SH3GL3: variants seen among roughly 807,000 people sequenced by gnomAD.
The protein encoded by SH3GL3 is endophilin-A3.
A neutral mutation model predicts 47.7 loss-of-function variants in SH3GL3; 33 were observed. The ratio of observed to expected loss-of-function variants is 0.69; its 90% confidence interval spans 0.52 to 0.92. The LOEUF is 0.92. Among genes scored for constraint, SH3GL3 ranks in the 40% least tolerant of loss-of-function variants. SH3GL3 has a pLI of 0.00. For missense variants in SH3GL3, 363 were observed against 417.8 expected, an observed-to-expected ratio of 0.87 and a Z score of 1.14; for synonymous variants, 155 against 148.8, an observed-to-expected ratio of 1.04 and a Z score of -0.30.
At chr15:83,460,048 CCCTCCCTGCCTCCCTCCCTCCCTTCCTT>C (rs1381266145) in intron 1 of SH3GL3, among the ~76,000 whole-genome samples, 1 of 50,748 alleles carries the variant, frequency 2.0e-5, no homozygotes, top group Non-Finnish European at 3.4e-5. Context: ...CTCCCTCCCT[CCCTCCCTGCCTCCCTCCCTCCCTTCCTT>C]CCTTCCTTCC....
At chr15:83,500,818 TA>T (rs756310003) in intron 1 of SH3GL3, among the ~76,000 whole-genome samples, 2 of 152,234 alleles carry the variant, frequency 1.3e-5, no homozygotes, top group Non-Finnish European at 2.9e-5. Flanking sequence ...TTACACCCTT[TA>T]TCCCACAATC....
Position 83,523,674 on chromosome 15 carries a change from T to C in SH3GL3, c.46-35579T>C, listed in dbSNP as rs184983014. Among the ~76,000 whole-genome samples the C allele has an allele frequency of 2.2e-4, 34 of 152,308 alleles. No homozygotes were observed. In the East Asian group the frequency reaches 5.4e-3, roughly 24 times the overall value. On this transcript the variant is annotated intron_variant, in intron 1 of 8. Coordinates refer to ENST00000427482, the MANE Select transcript of SH3GL3 (RefSeq NM_003027.5). ...TCTCTAGATGAAGATCCCACCTTAA[T>C]TTTATGTATCCAACATAGCCTAAAC...
intron 5 of SH3GL3, among the ~76,000 whole-genome samples, chr15:83,575,421 C>T (rs763583833): frequency 6.6e-6 from 1 of 152,148 alleles, no homozygotes; most frequent in Non-Finnish European, 1.5e-5. Context: ...TTCTAAATGC[C>T]ATCTTGTTAC....
chr15:83,474,302 T>C (rs2040991419), intron 1 of SH3GL3, among the ~76,000 whole-genome samples: 1 of 152,196 alleles, frequency 6.6e-6, no homozygotes, highest in Admixed American at 6.5e-5. Flanking sequence ...TGATGGTGAA[T>C]TGGGGCCTGA....
At chr15:83,632,146 C>G in the SH3GL3 span, among the ~76,000 whole-genome samples, 1 of 152,200 alleles carries the variant, frequency 6.6e-6, no homozygotes, top group Admixed American at 6.5e-5. Flanking sequence ...TCCAAGACCA[C>G]CTCAGCCTGG....
chr15:83,611,003 T>G (rs2060647577), intron 8 of SH3GL3, among the ~76,000 whole-genome samples: 1 of 145,486 alleles, frequency 6.9e-6, no homozygotes, highest in Non-Finnish European at 1.5e-5. Flanking sequence ...ATATATAATA[T>G]GTATGTGTGT....
At position 83,447,628 on chromosome 15, in the gene SH3GL3, GC is replaced by G. The variant is rs1408339192; in HGVS notation, c.45+56del. On this transcript the variant is annotated intron_variant, in intron 1 of 8. Coordinates refer to ENST00000427482, the MANE Select transcript of SH3GL3 (RefSeq NM_003027.5). The surrounding 1 kb of genome is among the most constrained non-coding windows in gnomAD (Gnocchi z 5.1). Reference sequence around the variant, plus strand: ...GAGGGAGGGGGACGCGGAGGCTGCGGCCCCCCGAGGCTCCCGGGCCTTTGGG... The same window carrying G: ...GAGGGAGGGGGACGCGGAGGCTGCGGCCCCCGAGGCTCCCGGGCCTTTGGG... 2.3e-5 allele frequency: 30 copies of G among 1,308,932 alleles called. No homozygotes were observed. The highest frequency in any genetic ancestry group is 2.6e-5 in the Non-Finnish European group (25 of 971,200). 81.1% of individuals were successfully genotyped at this position (1,308,932 alleles called of 1,614,324 possible). A position where few individuals can be genotyped will look rare whatever the true frequency, so the allele number is the denominator to read the frequency against.
Position 83,572,449 on chromosome 15 carries a change from C to A in SH3GL3, c.332-116C>A, listed in dbSNP as rs968281138. 5 of 810,174 alleles carry A rather than the reference C, an allele frequency of 6.2e-6. No homozygotes were observed. In the South Asian group the frequency reaches 7.7e-5, roughly 13 times the overall value. 50.2% of individuals were successfully genotyped at this position (810,174 alleles called of 1,614,324 possible). A position where few individuals can be genotyped will look rare whatever the true frequency, so the allele number is the denominator to read the frequency against. Reference sequence around the variant, plus strand: ...GATCCAGGATTCAGAGGTCCCGGAGCAAGGACCTTGCTACACCATCATCCA... The same window carrying A: ...GATCCAGGATTCAGAGGTCCCGGAGAAAGGACCTTGCTACACCATCATCCA... On this transcript the variant is annotated intron_variant, in intron 4 of 8. Transcript: ENST00000427482.
intron 1 of SH3GL3, among the ~76,000 whole-genome samples, chr15:83,477,690 A>T (rs190905506): frequency 6.6e-6 from 1 of 152,294 alleles, no homozygotes; most frequent in Non-Finnish European, 1.5e-5. Flanking sequence ...TGTGAACCAG[A>T]TGGTACCCTT....
the SH3GL3 span, among the ~76,000 whole-genome samples, chr15:83,627,145 C>T: frequency 2.0e-5 from 3 of 152,088 alleles, no homozygotes; most frequent in Non-Finnish European, 4.4e-5. Flanking sequence ...ACCTTGTAAT[C>T]CCAGCACTTT....
At chr15:83,498,262 G>A (rs1216751979) in intron 1 of SH3GL3, among the ~76,000 whole-genome samples, 1 of 151,988 alleles carries the variant, frequency 6.6e-6, no homozygotes, top group African/African-American at 2.4e-5. Context: ...TTCATCTTTG[G>A]GCATAGCACT....
chr15:83,583,534 A>G (rs1050018167), intron 6 of SH3GL3, among the ~76,000 whole-genome samples: 1 of 152,136 alleles, frequency 6.6e-6, no homozygotes, highest in African/African-American at 2.4e-5. Context: ...TGGGGTTTCC[A>G]TAACTCCTAG....
At chr15:83,547,682 G>T (rs541945477) in intron 1 of SH3GL3, among the ~76,000 whole-genome samples, 1 of 151,804 alleles carries the variant, frequency 6.6e-6, no homozygotes, top group African/African-American at 2.4e-5. Flanking sequence ...ATCAGTGTTA[G>T]TGTTTTTCTG....
chr15:83,600,342 G>A (rs1373502484), intron 8 of SH3GL3, among the ~76,000 whole-genome samples: 3 of 152,158 alleles, frequency 2.0e-5, no homozygotes, highest in Non-Finnish European at 1.5e-5. Context: ...TTAAGTCCTT[G>A]ATCCACGTTG....
chr15:83,533,424 G>A (rs865843293), intron 1 of SH3GL3, among the ~76,000 whole-genome samples: 23 of 152,196 alleles, frequency 1.5e-4, no homozygotes, highest in African/African-American at 5.3e-4. Flanking sequence ...AAGACAAATC[G>A]GTTAATAGGA....
At chr15:83,467,941 C>T (rs2040644122) in intron 1 of SH3GL3, among the ~76,000 whole-genome samples, 1 of 152,188 alleles carries the variant, frequency 6.6e-6, no homozygotes, top group African/African-American at 2.4e-5. Context: ...CATTCTCCTG[C>T]CTCAGCCTCC....
At chr15:83,499,982 A>G (rs1169870006) in intron 1 of SH3GL3, among the ~76,000 whole-genome samples, 2 of 152,198 alleles carry the variant, frequency 1.3e-5, no homozygotes, top group Admixed American at 6.5e-5. Flanking sequence ...AAATGGACAC[A>G]TGACACTGGA....
At chr15:83,560,927 T>C (rs1328667659) in intron 2 of SH3GL3, among the ~76,000 whole-genome samples, 3 of 152,158 alleles carry the variant, frequency 2.0e-5, no homozygotes, top group Non-Finnish European at 4.4e-5. Context: ...GTCAATGTAG[T>C]CTATCAGGAA....
intron 8 of SH3GL3, among the ~76,000 whole-genome samples, chr15:83,609,062 G>A (rs2060599246): frequency 2.0e-5 from 3 of 152,170 alleles, no homozygotes; most frequent in Admixed American, 2.0e-4. Flanking sequence ...GGAGTCAGAG[G>A]GAAGCCCAGA....
Sources: allele counts gnomAD v4.1 joint callset (sites outside exome capture counted in the v4.1 genomes callset), GRCh38; gene constraint gnomAD v4.1.1; non-coding constraint Gnocchi (gnomAD v3.1); transcripts MANE v1.5; gene names NCBI Gene and HGNC (gene_info 2026-07-23, HGNC 2026-07-21).